Variants in VAT1L observed in about 807,000 individuals in gnomAD.
The protein encoded by VAT1L is putative NADPH-dependent quinone oxidoreductase VAT1L.
In VAT1L, 34 loss-of-function variants were observed where a neutral mutation model predicts 44.1. The ratio of observed to expected loss-of-function variants is 0.77; its 90% confidence interval spans 0.59 to 1.03. The LOEUF (loss-of-function observed/expected upper bound fraction) is 1.03. Ranked by LOEUF, VAT1L falls within the 50% of genes least tolerant of loss-of-function variation. VAT1L has a pLI of 0.00. For missense variants in VAT1L, 615 were observed against 538.8 expected (o/e 1.14, Z -1.40); for synonymous variants, 253 against 202.2 (o/e 1.25, Z -2.13).
At chr16:77,963,581 T>C (rs1030036943) in intron 7 of VAT1L, among the ~76,000 whole-genome samples, 4 of 151,720 alleles carry the variant, frequency 2.6e-5, no homozygotes, top group African/African-American at 4.8e-5. Flanking sequence ...ACAGTAATAA[T>C]AGGAAACTGA....
At chr16:77,892,149 T>C (rs1206001981) in intron 7 of VAT1L, among the ~76,000 whole-genome samples, 1 of 152,068 alleles carries the variant, frequency 6.6e-6, no homozygotes, top group Non-Finnish European at 1.5e-5. Flanking sequence ...AGTAATGTGA[T>C]TGTCAGTTCT....
intron 7 of VAT1L, among the ~76,000 whole-genome samples, chr16:77,931,603 T>C (rs959340840): frequency 1.1e-4 from 17 of 152,244 alleles, no homozygotes; most frequent in Non-Finnish European, 1.9e-4. Context: ...CTTTTCATCA[T>C]ACGTTTTAAA....
chr16:77,910,326 C>G (rs1340819775), intron 7 of VAT1L, among the ~76,000 whole-genome samples: 1 of 152,182 alleles, frequency 6.6e-6, no homozygotes, highest in Non-Finnish European at 1.5e-5. Flanking sequence ...ATATGTTTCA[C>G]AAACATGAAT....
At chr16:77,832,549 A>C (rs2016591652) in intron 3 of VAT1L, among the ~76,000 whole-genome samples, 1 of 152,176 alleles carries the variant, frequency 6.6e-6, no homozygotes, top group Non-Finnish European at 1.5e-5. Flanking sequence ...CAGCTAAGAC[A>C]TTTGGGGAAA....
intron 4 of VAT1L, among the ~76,000 whole-genome samples, chr16:77,873,568 A>G (rs969915960): frequency 6.6e-6 from 1 of 152,212 alleles, no homozygotes; most frequent in African/African-American, 2.4e-5. Context: ...GGCCATAGAT[A>G]TTATCATAAG....
chr16:77,844,797 G>A (rs2016742492), intron 3 of VAT1L, among the ~76,000 whole-genome samples: 3 of 152,146 alleles, frequency 2.0e-5, no homozygotes, highest in East Asian at 3.9e-4. Flanking sequence ...TACTGGGGAT[G>A]GCTATATATA....
chr16:77,802,615 AACAC>A (rs57906062), intron 1 of VAT1L, among the ~76,000 whole-genome samples: 8,425 of 111,484 alleles, frequency 0.076, 223 homozygotes, highest in African/African-American at 0.084. Flanking sequence ...CCCCATCTCA[AACAC>A]ACACACACAC....
intron 7 of VAT1L, among the ~76,000 whole-genome samples, chr16:77,952,571 A>G (rs2018056353): frequency 6.6e-6 from 1 of 152,098 alleles, no homozygotes; most frequent in African/African-American, 2.4e-5. Context: ...TAAAGCCTGC[A>G]GAGCCATGAG....
At chr16:77,976,007 G>A (rs1259485196) in intron 8 of VAT1L, among the ~76,000 whole-genome samples, 3 of 152,230 alleles carry the variant, frequency 2.0e-5, no homozygotes, top group Non-Finnish European at 4.4e-5. Flanking sequence ...AAGAGCCATA[G>A]AGAAGATTAA....
At chr16:77,897,517 C>T (rs1316262562) in intron 7 of VAT1L, among the ~76,000 whole-genome samples, 1 of 152,210 alleles carries the variant, frequency 6.6e-6, no homozygotes, top group Non-Finnish European at 1.5e-5. Flanking sequence ...GTCACCCAGG[C>T]TGGAGTGGAA....
chr16:77,830,141 C>T (rs1333684021), intron 3 of VAT1L, among the ~76,000 whole-genome samples: 1 of 152,078 alleles, frequency 6.6e-6, no homozygotes, highest in Non-Finnish European at 1.5e-5. Flanking sequence ...CCTCCAGCCA[C>T]CCTGACCTTC....
intron 7 of VAT1L, among the ~76,000 whole-genome samples, chr16:77,891,517 G>T (rs917470293): frequency 6.6e-6 from 1 of 152,198 alleles, no homozygotes; most frequent in Non-Finnish European, 1.5e-5. Flanking sequence ...GAAAAACTTT[G>T]TCTTCCTCAC....
chr16:77,815,218 A>G (rs1673751068), intron 1 of VAT1L, among the ~76,000 whole-genome samples: 1 of 152,240 alleles, frequency 6.6e-6, no homozygotes, highest in African/African-American at 2.4e-5. Context: ...TTGGGAGTCT[A>G]CAAATATCAT....
intron 3 of VAT1L, among the ~76,000 whole-genome samples, chr16:77,839,141 G>T (rs1358565263): frequency 7.2e-5 from 11 of 152,292 alleles, no homozygotes; most frequent in Non-Finnish European, 8.8e-5. Context: ...GACCCAAGAT[G>T]ACTGTGCTCA....
chr16:77,852,362 G>A (rs1227708543), intron 3 of VAT1L, among the ~76,000 whole-genome samples: 1 of 152,234 alleles, frequency 6.6e-6, no homozygotes, highest in Non-Finnish European at 1.5e-5. Context: ...TGAGGACGGG[G>A]TGTCAGGAAA....
intron 1 of VAT1L, chr16:77,800,990 G>A (rs2016038691): frequency 6.6e-6 from 1 of 152,044 alleles, no homozygotes; most frequent in Admixed American, 6.6e-5. Context: ...CACCACACCT[G>A]GTTAATTTTT....
At chr16:77,882,741 A>T (rs1018736365) in intron 6 of VAT1L, among the ~76,000 whole-genome samples, 8 of 152,242 alleles carry the variant, frequency 5.3e-5, no homozygotes, top group African/African-American at 1.9e-4. Context: ...CTGTGAATCA[A>T]GTTATTATTT....
Position 77,825,374 on chromosome 16 carries a change from C to T in VAT1L, c.492C>T (p.Asn164=). 1.9e-6 allele frequency: 3 copies of T among 1,614,076 alleles called. No individual in the cohort carries two copies. Among genetic ancestry groups the T allele is most frequent in the Non-Finnish European group, 2.5e-6 (3 of 1,180,002 alleles). The part of the protein sequence containing the change: ...SFSEAAAFPM[N]FVTAYVMLFE... Reference sequence around the variant, plus strand: ...CCGAGGCTGCTGCATTCCCCATGAACTTCGTCACAGCCTATGTGATGCTGT... The same window carrying T: ...CCGAGGCTGCTGCATTCCCCATGAATTTCGTCACAGCCTATGTGATGCTGT... The change falls in exon 3 of 9, where the codon AAC becomes AAT. Residue 164 remains asparagine (N), a synonymous_variant. Transcript: ENST00000302536.
intron 3 of VAT1L, among the ~76,000 whole-genome samples, chr16:77,829,060 G>C (rs1481630835): frequency 1.3e-5 from 2 of 152,122 alleles, no homozygotes; most frequent in African/African-American, 4.8e-5. Context: ...GAAAATCAAA[G>C]TAGCGAATTG....
Sources: allele counts gnomAD v4.1 joint callset (sites outside exome capture counted in the v4.1 genomes callset), GRCh38; gene constraint gnomAD v4.1.1; transcripts MANE v1.5; gene names NCBI Gene and HGNC (gene_info 2026-07-23, HGNC 2026-07-21).